Variants in OTUD7A observed in about 807,000 individuals in gnomAD.
OTUD7A encodes OTU deubiquitinase 7A, also known as OTU domain-containing protein 7A.
OTUD7A carries 12 observed loss-of-function variants against 65.7 expected under a neutral mutation model. The ratio of observed to expected loss-of-function variants is 0.18; its 90% CI spans 0.12 to 0.30. OTUD7A has a LOEUF of 0.30. Ranked by LOEUF, OTUD7A falls within the 10% of genes least tolerant of loss-of-function variation. The probability of loss-of-function intolerance (pLI) is 1.00; values close to 1 mark genes in which losing one functional copy is unlikely to be tolerated. For synonymous variants in OTUD7A, 641 were observed against 586.3 expected, an observed-to-expected ratio of 1.09 and a Z score of -1.35; for missense variants, 1,148 against 1,304.8, an observed-to-expected ratio of 0.88 and a Z score of 1.85.
chr15:31,633,770 T>C (rs1418336856), intron 3 of OTUD7A, among the ~76,000 whole-genome samples: 1 of 152,146 alleles, frequency 6.6e-6, no homozygotes, highest in Admixed American at 6.5e-5. Flanking sequence ...GCTGGGGTGA[T>C]GGCCTGGACC....
intron 3 of OTUD7A, among the ~76,000 whole-genome samples, chr15:31,653,431 C>G (rs1263068505): frequency 6.6e-6 from 1 of 151,888 alleles, no homozygotes; most frequent in African/African-American, 2.4e-5. Context: ...TACTCAGCAA[C>G]AAAAAGGAAC....
In OTUD7A at chr15:31,487,596, G is replaced by T. The variant is rs1213246879; in HGVS notation, c.1172-30C>A. The T allele has an allele frequency of 1.3e-6, 2 of 1,584,482 alleles. No homozygotes were observed. Among genetic ancestry groups the T allele is most frequent in the South Asian group, 1.1e-5 (1 of 88,564 alleles). ...AACAGAAGAGACAGAGCCGTGCTTG[G>T]AGCCCCGGCAGTCCCCAGGCAGGAT... On this transcript the variant is annotated intron_variant, in intron 10 of 12. Transcript: ENST00000307050. The surrounding 1 kb of genome is among the most constrained non-coding windows in gnomAD (Gnocchi z 6.0).
chr15:31,855,018 T>C (rs1019242671), intron 1 of OTUD7A, among the ~76,000 whole-genome samples: 4 of 152,276 alleles, frequency 2.6e-5, no homozygotes, highest in African/African-American at 9.6e-5. Context: ...ATATCAACTT[T>C]ATCAAAGAGA....
chr15:31,785,521 C>G (rs1412606386), intron 1 of OTUD7A, among the ~76,000 whole-genome samples: 1 of 152,188 alleles, frequency 6.6e-6, no homozygotes, highest in East Asian at 1.9e-4. Context: ...CCACAACCTT[C>G]TCTCATTACT....
chr15:31,595,971 T>C (rs1235405172), intron 3 of OTUD7A, among the ~76,000 whole-genome samples: 1 of 152,140 alleles, frequency 6.6e-6, no homozygotes, highest in Non-Finnish European at 1.5e-5. Flanking sequence ...TGACCTCTTC[T>C]TCCTCTTCTC....
chr15:31,539,520 C>G (rs1595594956), intron 5 of OTUD7A, among the ~76,000 whole-genome samples: 3 of 152,048 alleles, frequency 2.0e-5, no homozygotes, highest in African/African-American at 7.2e-5. Flanking sequence ...GAATGTTTTT[C>G]AAAAAGTGCA....
intron 4 of OTUD7A, among the ~76,000 whole-genome samples, chr15:31,566,351 G>T (rs1167615363): frequency 1.3e-5 from 2 of 152,106 alleles, no homozygotes; most frequent in Non-Finnish European, 2.9e-5. Flanking sequence ...AGTGATATGT[G>T]GGAAAAACAC....
At chr15:31,868,333 G>C (rs530040063) in intron 1 of OTUD7A, among the ~76,000 whole-genome samples, 1 of 152,194 alleles carries the variant, frequency 6.6e-6, no homozygotes, top group Non-Finnish European at 1.5e-5. Context: ...GTACTACAGC[G>C]AGTTAAACCA....
Position 31,860,677 on chromosome 15 carries a change from G to GTATATATATATATATATATA in OTUD7A, c.-100+9810_-100+9829dup, listed in dbSNP as rs1555425282. On this transcript the variant is annotated intron_variant, in intron 1 of 12. Transcript: ENST00000307050. ...TGTGTGTATATATAGATGTATGTGT[G>GTATATATATATATATATATA]TATATATATATATATATATATATGT... Among the ~76,000 whole-genome samples the GTATATATATATATATATATA allele has an allele frequency of 3.7e-3, 274 of 73,240 alleles. 6 individuals carry two copies. Among genetic ancestry groups the GTATATATATATATATATATA allele is most frequent in the East Asian group, 9.3e-3 (21 of 2,246 alleles). The allele number at this position is 73,240 out of a possible 152,430, so 48.0% of individuals were successfully genotyped here. A position where few individuals can be genotyped will look rare whatever the true frequency, so the allele number is the denominator to read the frequency against.
chr15:31,766,168 C>A (rs879072681), intron 1 of OTUD7A: 38 of 1,489,712 alleles, frequency 2.6e-5, no homozygotes, highest in Non-Finnish European at 3.3e-5. Context: ...AAGAAAGAAA[C>A]TAATCTTCCA....
intron 3 of OTUD7A, among the ~76,000 whole-genome samples, chr15:31,596,991 C>A (rs1344141938): frequency 1.3e-5 from 2 of 152,162 alleles, no homozygotes; most frequent in African/African-American, 4.8e-5. Context: ...GTGGCATGAT[C>A]TTAGCTCACT....
intron 8 of OTUD7A, among the ~76,000 whole-genome samples, chr15:31,519,264 C>A (rs1003089616): frequency 6.6e-6 from 1 of 152,176 alleles, no homozygotes; most frequent in African/African-American, 2.4e-5. Flanking sequence ...TCAAGATGAT[C>A]ATATGGTTTT....
intron 3 of OTUD7A, among the ~76,000 whole-genome samples, chr15:31,578,992 G>A (rs1889290447): frequency 6.6e-6 from 1 of 152,120 alleles, no homozygotes; most frequent in African/African-American, 2.4e-5. Context: ...CTCATATTTG[G>A]CTCCAAATGT....
intron 3 of OTUD7A, among the ~76,000 whole-genome samples, chr15:31,585,698 T>C (rs781475405): frequency 2.6e-5 from 4 of 152,230 alleles, no homozygotes; most frequent in Non-Finnish European, 4.4e-5. Context: ...CAGATTCTTA[T>C]GTGCTCCAGA....
At chr15:31,819,201 A>G (rs1290679356) in intron 1 of OTUD7A, among the ~76,000 whole-genome samples, 4 of 152,224 alleles carry the variant, frequency 2.6e-5, no homozygotes. Flanking sequence ...GAACCCTTGA[A>G]TTGCTGTTAT....
chr15:31,661,901 G>C (rs1009946534), intron 1 of OTUD7A, among the ~76,000 whole-genome samples: 4 of 151,938 alleles, frequency 2.6e-5, no homozygotes, highest in African/African-American at 9.7e-5. Context: ...TTTTCCCTCT[G>C]TTTGTTGAAA....
Position 31,804,590 on chromosome 15 carries a change from T to G in OTUD7A, c.-100+65917A>C, listed in dbSNP as rs566552893. The stretch of plus-strand genomic sequence containing the variant: ...TCGACTTCACAAGTCTGAAGGCTGG[T>G]GCAGTGAATGATGGCAGACTTCAGA... On this transcript the variant is annotated intron_variant, in intron 1 of 12. Coordinates refer to ENST00000307050, the MANE Select transcript of OTUD7A (RefSeq NM_001382637.1). Among the ~76,000 whole-genome samples the G allele has an allele frequency of 5.3e-4, 81 of 152,254 alleles. 1 individual carries two copies. The highest frequency in any genetic ancestry group is 1.7e-3 in the African/African-American group (71 of 41,560).
At chr15:31,614,676 A>G (rs1890532147) in intron 3 of OTUD7A, among the ~76,000 whole-genome samples, 1 of 152,200 alleles carries the variant, frequency 6.6e-6, no homozygotes, top group Non-Finnish European at 1.5e-5. Context: ...CACACTATAG[A>G]AAATACTAAA....
chr15:31,527,409 G>A, intron 6 of OTUD7A, 101 bp from the exon 7 acceptor site: 1 of 1,445,310 alleles, frequency 6.9e-7, no homozygotes, highest in African/African-American at 1.4e-5. Flanking sequence ...AGAGCCTCCT[G>A]TCTGCACGCA....
Sources: gnomAD v4.1 joint callset for allele counts (sites outside exome capture counted in the v4.1 genomes callset) on GRCh38, gnomAD v4.1.1 for gene constraint, Gnocchi (gnomAD v3.1) non-coding constraint, MANE v1.5 for transcripts, NCBI Gene and HGNC (gene_info 2026-07-23, HGNC 2026-07-21) for gene names.